Variants in GRM5 observed in about 807,000 individuals in gnomAD.
The protein encoded by GRM5 is metabotropic glutamate receptor 5.
GRM5 carries 19 observed loss-of-function variants against 83.1 expected under a neutral mutation model. That is an observed-to-expected ratio of 0.23 (90% CI 0.16 to 0.34). The LOEUF is 0.34. Among genes scored for constraint, GRM5 ranks in the 10% least tolerant of loss-of-function variants. The pLI, the probability that GRM5 is intolerant of heterozygous loss-of-function variation, is 1.00. For missense variants in GRM5, 1,160 were observed against 1,588.3 expected, an observed-to-expected ratio of 0.73 and a Z score of 4.58; for synonymous variants, 675 against 633.6, an observed-to-expected ratio of 1.07 and a Z score of -0.98.
At chr11:88,657,890 C>T (rs1287896675) in intron 3 of GRM5, among the ~76,000 whole-genome samples, 1 of 152,144 alleles carries the variant, frequency 6.6e-6, no homozygotes, top group Non-Finnish European at 1.5e-5. Flanking sequence ...TTTATATTCA[C>T]TGCAGATGGC....
At chr11:88,694,260 C>T (rs2135363909) in intron 3 of GRM5, among the ~76,000 whole-genome samples, 1 of 152,162 alleles carries the variant, frequency 6.6e-6, no homozygotes, top group South Asian at 2.1e-4. Flanking sequence ...AGATCAAATT[C>T]CTGTGTATTG....
chr11:88,694,582 A>G (rs79182433), intron 3 of GRM5, among the ~76,000 whole-genome samples: 2,254 of 151,972 alleles, frequency 0.015, 55 homozygotes, highest in African/African-American at 0.049. Context: ...GAGCATGCCA[A>G]TGAGCTTGAA....
At chr11:88,555,673 C>T (rs556545001) in intron 8 of GRM5, among the ~76,000 whole-genome samples, 74 of 152,230 alleles carry the variant, frequency 4.9e-4, no homozygotes, top group African/African-American at 1.6e-3. Flanking sequence ...CTTCTTTATC[C>T]AGAATGTGCT....
chr11:88,757,478 A>G (rs1206327117), intron 3 of GRM5, among the ~76,000 whole-genome samples: 2 of 152,048 alleles, frequency 1.3e-5, no homozygotes, highest in African/African-American at 2.4e-5. Flanking sequence ...CAACACTGCC[A>G]TTAGAGTGAA....
At chr11:88,938,158 T>C (rs1046777228) in intron 2 of GRM5, among the ~76,000 whole-genome samples, 2 of 151,726 alleles carry the variant, frequency 1.3e-5, no homozygotes, top group Non-Finnish European at 3.0e-5. Context: ...AACATCATGT[T>C]ATACACTAAA....
At chr11:88,610,172 C>T (rs889079028) in intron 4 of GRM5, among the ~76,000 whole-genome samples, 13 of 152,080 alleles carry the variant, frequency 8.5e-5, no homozygotes, top group African/African-American at 3.1e-4. Context: ...AGTGTGATGC[C>T]TCTGGCTTTG....
At chr11:88,612,107 T>G (rs1308746642) in intron 4 of GRM5, among the ~76,000 whole-genome samples, 2 of 128,978 alleles carry the variant, frequency 1.6e-5, no homozygotes, top group African/African-American at 5.9e-5. Context: ...CCCGATGCTA[T>G]CCCTCCCCCC....
intron 3 of GRM5, among the ~76,000 whole-genome samples, chr11:88,844,357 TACACACACACAC>T (rs3031469): frequency 1.4e-5 from 2 of 146,110 alleles, no homozygotes; most frequent in Non-Finnish European, 3.0e-5. Flanking sequence ...TCAGAATTAC[TACACACACACAC>T]ACACACACAC....
chr11:89,046,982 C>G (rs966436978), intron 2 of GRM5, among the ~76,000 whole-genome samples: 1 of 152,118 alleles, frequency 6.6e-6, no homozygotes, highest in African/African-American at 2.4e-5. Flanking sequence ...ATGTAATTCA[C>G]AATGAAAACA....
chr11:88,910,519 G>A (rs1295009095), intron 2 of GRM5, among the ~76,000 whole-genome samples: 1 of 152,066 alleles, frequency 6.6e-6, no homozygotes, highest in Non-Finnish European at 1.5e-5. Flanking sequence ...TTCCACAGCA[G>A]TTACATCATT....
chr11:88,547,984 T>C (rs1387214957), intron 8 of GRM5, among the ~76,000 whole-genome samples: 3 of 152,066 alleles, frequency 2.0e-5, no homozygotes, highest in Admixed American at 1.3e-4. Flanking sequence ...AAATGCCTTG[T>C]GGGAGGTGGG....
intron 4 of GRM5, among the ~76,000 whole-genome samples, chr11:88,616,474 A>G (rs1178287516): frequency 6.6e-6 from 1 of 151,268 alleles, no homozygotes; most frequent in Non-Finnish European, 1.5e-5. Context: ...TGCATGGAAA[A>G]TAGAACAACA....
chr11:89,036,737 C>G (rs1452046203), intron 2 of GRM5, among the ~76,000 whole-genome samples: 1 of 146,894 alleles, frequency 6.8e-6, no homozygotes, highest in African/African-American at 2.5e-5. Flanking sequence ...TGCCTGGGTT[C>G]ATCCTACTAC....
chr11:88,854,804 A>AAATTG (rs1944444723), intron 2 of GRM5, among the ~76,000 whole-genome samples: 1 of 151,996 alleles, frequency 6.6e-6, no homozygotes, highest in African/African-American at 2.4e-5. Context: ...AAATTAAATT[A>AAATTG]TAAAATAAAA....
intron 3 of GRM5, among the ~76,000 whole-genome samples, chr11:88,722,262 G>A (rs1375447274): frequency 6.6e-6 from 1 of 152,072 alleles, no homozygotes; most frequent in Admixed American, 6.6e-5. Context: ...CTAAAACTGT[G>A]GAAAAATGAG....
At chr11:88,765,614 G>A (rs571083959) in intron 3 of GRM5, among the ~76,000 whole-genome samples, 11 of 151,752 alleles carry the variant, frequency 7.2e-5, no homozygotes, top group African/African-American at 2.7e-4. Context: ...TTCAACAAAT[G>A]ATGCTTGGAT....
At chr11:88,909,203 T>A (rs189823010) in intron 2 of GRM5, among the ~76,000 whole-genome samples, 1 of 152,258 alleles carries the variant, frequency 6.6e-6, no homozygotes, top group East Asian at 1.9e-4. Flanking sequence ...GGGAAATAGA[T>A]GATTTATAAA....
chr11:88,830,725 G>A (rs778380160), intron 3 of GRM5, among the ~76,000 whole-genome samples: 6 of 152,176 alleles, frequency 3.9e-5, no homozygotes, highest in Non-Finnish European at 8.8e-5. Context: ...TCAAGAAAGG[G>A]AGGTCACGCT....
intron 5 of GRM5, among the ~76,000 whole-genome samples, chr11:88,599,167 C>G (rs1249646359): frequency 6.6e-6 from 1 of 152,172 alleles, no homozygotes; most frequent in Non-Finnish European, 1.5e-5. Flanking sequence ...ATATCCATGC[C>G]TCTTTGTTTT....
Sources: gnomAD v4.1 joint callset for allele counts (sites outside exome capture counted in the v4.1 genomes callset) on GRCh38, gnomAD v4.1.1 for gene constraint, MANE v1.5 for transcripts, NCBI Gene and HGNC (gene_info 2026-07-23, HGNC 2026-07-21) for gene names.